Variants in MTRF1 observed in about 807,000 individuals in gnomAD.
The protein encoded by MTRF1 is peptide chain release factor 1, mitochondrial.
MTRF1 carries 51 observed loss-of-function variants against 62.9 expected under a neutral mutation model. The observed-to-expected ratio is 0.81, with a 90% CI of 0.65 to 1.02. MTRF1 has a LOEUF of 1.02. MTRF1 is among the 50% of genes least tolerant of loss of function. The probability of loss-of-function intolerance (pLI) is 0.00; values close to 1 mark genes in which losing one functional copy is unlikely to be tolerated. For missense variants in MTRF1, 446 were observed against 530.0 expected, an observed-to-expected ratio of 0.84 and a Z score of 1.56; for synonymous variants, 158 against 181.9, an observed-to-expected ratio of 0.87 and a Z score of 1.06.
the MTRF1 span, chr13:41,311,632 G>A: frequency 3.2e-6 from 5 of 1,553,418 alleles, no homozygotes; most frequent in Admixed American, 3.7e-5. Context: ...GGGTCCTCGG[G>A]CCTTAAGGGC....
At chr13:41,267,537 A>G (rs1316770744), upstream of MTRF1, among the ~76,000 whole-genome samples, 3 of 152,166 alleles carry the variant, frequency 2.0e-5, no homozygotes, top group Non-Finnish European at 2.9e-5. Context: ...TTGCTTTGTC[A>G]TTTTTAAAAG....
intron 5 of MTRF1, among the ~76,000 whole-genome samples, chr13:41,249,962 T>A (rs187434980): frequency 2.3e-4 from 35 of 152,244 alleles, no homozygotes; most frequent in African/African-American, 8.2e-4. Context: ...TGTAATGTTT[T>A]TTTTTTAAAG....
intron 5 of MTRF1, among the ~76,000 whole-genome samples, chr13:41,249,802 T>A (rs1455159858): frequency 2.0e-5 from 3 of 151,504 alleles, no homozygotes; most frequent in Admixed American, 6.6e-5. Flanking sequence ...AATTTTTGTA[T>A]TTGTAGTAGA....
At chr13:41,262,758 C>T (rs1302698600) in intron 1 of MTRF1, among the ~76,000 whole-genome samples, 1 of 152,156 alleles carries the variant, frequency 6.6e-6, no homozygotes, top group Non-Finnish European at 1.5e-5. Flanking sequence ...CCAAGGAGTT[C>T]AAGGCCAGCC....
At chr13:41,285,465 T>C in the MTRF1 span, among the ~76,000 whole-genome samples, 1 of 152,218 alleles carries the variant, frequency 6.6e-6, no homozygotes. Context: ...TCTGACCCTC[T>C]GCAGGTACTG....
chr13:41,311,688 G>A, the MTRF1 span: 1 of 1,025,664 alleles, frequency 9.7e-7, no homozygotes, highest in Non-Finnish European at 1.4e-6. Context: ...GGCCTCCGCT[G>A]CCCACCGCTC....
the MTRF1 span, among the ~76,000 whole-genome samples, chr13:41,292,765 A>G: frequency 6.6e-6 from 1 of 151,736 alleles, no homozygotes; most frequent in Non-Finnish European, 1.5e-5. Flanking sequence ...CAATGAAAAT[A>G]AAAATAAAAA....
intron 2 of MTRF1, among the ~76,000 whole-genome samples, chr13:41,259,712 A>AAAAAAAAAAAAACAAAAACAAAAAAAAAC (rs1555268029): frequency 1.5e-5 from 2 of 136,766 alleles, no homozygotes; most frequent in African/African-American, 5.5e-5. Context: ...AAAAAAAAAA[A>AAAAAAAAAAAAACAAAAACAAAAAAAAAC]AAAAAAAAAC....
intron 6 of MTRF1, among the ~76,000 whole-genome samples, chr13:41,234,212 C>T (rs2036091862): frequency 6.6e-6 from 1 of 152,220 alleles, no homozygotes; most frequent in Non-Finnish European, 1.5e-5. Flanking sequence ...GGGTCTCCCT[C>T]TGTTGCCTAG....
chr13:41,287,799 C>A, the MTRF1 span: 1 of 252,694 alleles, frequency 4.0e-6, no homozygotes, highest in South Asian at 5.0e-5. Flanking sequence ...GAGAACTGCT[C>A]AGATAGCTTT....
chr13:41,274,883 G>C, the MTRF1 span, among the ~76,000 whole-genome samples: 1 of 151,922 alleles, frequency 6.6e-6, no homozygotes, highest in East Asian at 1.9e-4. Flanking sequence ...AAAGTGCTGG[G>C]ATTACAGACA....
chr13:41,278,985 A>T, the MTRF1 span, among the ~76,000 whole-genome samples: 15 of 151,882 alleles, frequency 9.9e-5, no homozygotes, highest in African/African-American at 3.4e-4. Flanking sequence ...TTTTTATTTT[A>T]TTTTATTTTT....
the MTRF1 span, chr13:41,287,797 C>A: frequency 4.0e-6 from 1 of 251,666 alleles, no homozygotes. Context: ...CAGAGAACTG[C>A]TCAGATAGCT....
chr13:41,263,184 G>T, intron 1 of MTRF1: 1 of 979,056 alleles, frequency 1.0e-6, no homozygotes, highest in Non-Finnish European at 1.4e-6. Flanking sequence ...TTTAGGAACA[G>T]TAGTAGAATG....
At chr13:41,276,996 T>A in the MTRF1 span, among the ~76,000 whole-genome samples, 2 of 152,152 alleles carry the variant, frequency 1.3e-5, no homozygotes, top group Non-Finnish European at 2.9e-5. Context: ...CAGCAAGCAC[T>A]TATTGCATAA....
intron 5 of MTRF1, among the ~76,000 whole-genome samples, chr13:41,252,020 C>T (rs1419179981): frequency 6.6e-6 from 1 of 152,086 alleles, no homozygotes; most frequent in Non-Finnish European, 1.5e-5. Flanking sequence ...TTTGGGACTA[C>T]AGGCACGTGC....
At chr13:41,240,749 AC>A (rs2037381100) in intron 5 of MTRF1, among the ~76,000 whole-genome samples, 1 of 152,214 alleles carries the variant, frequency 6.6e-6, no homozygotes, top group Non-Finnish European at 1.5e-5. Flanking sequence ...ATAGAATAAT[AC>A]TTTTTTTATT....
intron 9 of MTRF1, among the ~76,000 whole-genome samples, chr13:41,219,896 G>A (rs1360392062): frequency 6.6e-6 from 1 of 150,898 alleles, no homozygotes; most frequent in Non-Finnish European, 1.5e-5. Flanking sequence ...TATTCCAGAG[G>A]CTGAGGCAGG....
chr13:41,253,184 C>T (rs1405688018), intron 3 of MTRF1, among the ~76,000 whole-genome samples, 154 bp from the exon 4 acceptor site: 1 of 152,140 alleles, frequency 6.6e-6, no homozygotes, highest in African/African-American at 2.4e-5. Context: ...ATAAGTAGAA[C>T]TAATTAGACC....
Sources: allele counts gnomAD v4.1 joint callset (sites outside exome capture counted in the v4.1 genomes callset), GRCh38; gene constraint gnomAD v4.1.1; transcripts MANE v1.5; gene names NCBI Gene and HGNC (gene_info 2026-07-23, HGNC 2026-07-21).